FAF1: variants seen among roughly 807,000 people sequenced by gnomAD.
The protein encoded by FAF1 is FAS-associated factor 1.
A neutral mutation model predicts 92.5 loss-of-function variants in FAF1; 25 were observed. That is an observed-to-expected ratio of 0.27 (90% CI 0.20 to 0.38). The LOEUF (loss-of-function observed/expected upper bound fraction) is 0.38. Ranked by LOEUF, FAF1 falls within the 10% of genes least tolerant of loss-of-function variation. The probability of loss-of-function intolerance (pLI) is 1.00; values close to 1 mark genes in which losing one functional copy is unlikely to be tolerated. For missense variants in FAF1, 636 were observed against 793.3 expected, an observed-to-expected ratio of 0.80 and a Z score of 2.38; for synonymous variants, 234 against 273.2, an observed-to-expected ratio of 0.86 and a Z score of 1.42.
At chr1:50,833,621 C>G (rs962747285) in intron 2 of FAF1, among the ~76,000 whole-genome samples, 3 of 152,142 alleles carry the variant, frequency 2.0e-5, no homozygotes, top group African/African-American at 7.2e-5. Flanking sequence ...GGAGGTCATG[C>G]TGAAAGTTCC....
intron 4 of FAF1, among the ~76,000 whole-genome samples, chr1:50,771,730 T>C (rs1380948929): frequency 6.6e-6 from 1 of 151,948 alleles, no homozygotes; most frequent in Non-Finnish European, 1.5e-5. Context: ...GTGAAACCCC[T>C]TCTCTAGTAA....
chr1:50,668,401 G>T (rs185294259), intron 7 of FAF1, among the ~76,000 whole-genome samples: 2 of 152,224 alleles, frequency 1.3e-5, no homozygotes, highest in Non-Finnish European at 2.9e-5. Context: ...GGTTATCTGA[G>T]TCTAACTTGC....
intron 17 of FAF1, among the ~76,000 whole-genome samples, chr1:50,475,951 T>A (rs1054528184): frequency 1.3e-5 from 2 of 152,182 alleles, no homozygotes; most frequent in African/African-American, 4.8e-5. Context: ...GGCATTTTTT[T>A]AACTGAAGGG....
At chr1:50,442,454 T>A (rs916321440) in intron 18 of FAF1, among the ~76,000 whole-genome samples, 1 of 152,186 alleles carries the variant, frequency 6.6e-6, no homozygotes, top group African/African-American at 2.4e-5. Context: ...AGAAAAAATA[T>A]ATAATTAGCA....
chr1:50,516,464 C>G (rs1482838275), intron 15 of FAF1, among the ~76,000 whole-genome samples: 1 of 152,158 alleles, frequency 6.6e-6, no homozygotes, highest in Non-Finnish European at 1.5e-5. Flanking sequence ...TTGGACTTGT[C>G]ACATGGCAGA....
chr1:50,855,803 T>G (rs1409579757), intron 2 of FAF1, among the ~76,000 whole-genome samples: 1 of 151,782 alleles, frequency 6.6e-6, no homozygotes, highest in Non-Finnish European at 1.5e-5. Context: ...GATAGACATA[T>G]CTCAAAAGAA....
At chr1:50,442,694 G>C (rs899897650) in intron 18 of FAF1, among the ~76,000 whole-genome samples, 3 of 152,162 alleles carry the variant, frequency 2.0e-5, no homozygotes, top group Non-Finnish European at 4.4e-5. Context: ...AGATGGTTCT[G>C]GTGTCTTCTT....
intron 3 of FAF1, among the ~76,000 whole-genome samples, chr1:50,793,941 G>A (rs1661652944): frequency 2.0e-5 from 3 of 152,152 alleles, no homozygotes; most frequent in African/African-American, 7.2e-5. Flanking sequence ...CAAAGGAAAT[G>A]TTTACTGGAA....
chr1:50,607,531 C>A (rs1202290572), intron 8 of FAF1, among the ~76,000 whole-genome samples: 1 of 152,146 alleles, frequency 6.6e-6, no homozygotes, highest in African/African-American at 2.4e-5. Flanking sequence ...ATGTGCCTTG[C>A]ATGTGCCTAC....
intron 3 of FAF1, among the ~76,000 whole-genome samples, chr1:50,790,469 T>C (rs1462663976): frequency 1.3e-5 from 2 of 152,178 alleles, no homozygotes; most frequent in African/African-American, 4.8e-5. Flanking sequence ...CTGTATCCTC[T>C]GCCCTGAGCT....
intron 6 of FAF1, among the ~76,000 whole-genome samples, chr1:50,721,091 G>A (rs894309160): frequency 5.3e-5 from 8 of 152,182 alleles, no homozygotes; most frequent in South Asian, 2.1e-4. Flanking sequence ...CCCAGAGGGT[G>A]GAGGGAAAAC....
intron 7 of FAF1, among the ~76,000 whole-genome samples, chr1:50,662,073 G>A (rs1655401112): frequency 6.6e-6 from 1 of 151,978 alleles, no homozygotes; most frequent in Non-Finnish European, 1.5e-5. Context: ...GGCCTGTGTT[G>A]GAGAATTCAA....
chr1:50,921,500 G>A (rs1236266771), intron 1 of FAF1, among the ~76,000 whole-genome samples: 7 of 152,000 alleles, frequency 4.6e-5, no homozygotes, highest in Admixed American at 2.6e-4. Context: ...GGTGGCTCGC[G>A]CCTGTAATCC....
At chr1:50,825,208 T>C (rs747261916) in intron 2 of FAF1, among the ~76,000 whole-genome samples, 2 of 152,098 alleles carry the variant, frequency 1.3e-5, no homozygotes, top group Non-Finnish European at 2.9e-5. Flanking sequence ...AAATACCACA[T>C]GCAACCCATA....
chr1:50,904,086 G>T (rs1018114238), intron 1 of FAF1, among the ~76,000 whole-genome samples: 1 of 152,140 alleles, frequency 6.6e-6, no homozygotes, highest in African/African-American at 2.4e-5. Context: ...GTTCATAGCA[G>T]CATTATTCAC....
intron 1 of FAF1, among the ~76,000 whole-genome samples, chr1:50,897,450 T>A (rs1306353094): frequency 6.6e-6 from 1 of 152,218 alleles, no homozygotes. Context: ...ATGAATTTTT[T>A]AAGTGGCCAG....
At chr1:50,808,373 TAAC>T (rs988998928) in intron 2 of FAF1, among the ~76,000 whole-genome samples, 4 of 152,262 alleles carry the variant, frequency 2.6e-5, no homozygotes, top group African/African-American at 9.6e-5. Context: ...AACAACCAGG[TAAC>T]AACAAGATGA....
At chr1:50,907,266 G>A (rs1644847692) in intron 1 of FAF1, among the ~76,000 whole-genome samples, 1 of 152,204 alleles carries the variant, frequency 6.6e-6, no homozygotes, top group Admixed American at 6.5e-5. Flanking sequence ...TTGATGTGCT[G>A]CTGCATTTGC....
rs75151105 is a variant in FAF1 at position 50,495,080 on chromosome 1, G to T, written c.1495-3279C>A. ...TTAATTACTTCATGGAAAGTGGGGT[G>T]TCCGTCCCCTCAAGCACTTATCCTT... is the stretch of plus-strand genomic sequence containing the variant. On this transcript the variant is annotated intron_variant, in intron 15 of 18. Transcript: ENST00000396153. 7.1e-3 allele frequency among the ~76,000 whole-genome samples: 1,088 copies of T among 152,210 alleles called. 11 individuals carry two copies. Among genetic ancestry groups the T allele is most frequent in the Middle Eastern group, 0.071 (21 of 294 alleles).
Sources: allele counts gnomAD v4.1 joint callset (sites outside exome capture counted in the v4.1 genomes callset), GRCh38; gene constraint gnomAD v4.1.1; transcripts MANE v1.5; gene names NCBI Gene and HGNC (gene_info 2026-07-23, HGNC 2026-07-21).